Variants in TIAM1 observed in about 807,000 individuals in gnomAD.
TIAM1 encodes rho guanine nucleotide exchange factor TIAM1.
Under a neutral mutation model 163.5 loss-of-function variants are expected in TIAM1, and 65 were observed. The observed-to-expected ratio is 0.40, with a 90% CI of 0.33 to 0.49. TIAM1 has a LOEUF of 0.49. Ranked by LOEUF, TIAM1 falls within the 20% of genes least tolerant of loss-of-function variation. The pLI is 0.77. For synonymous variants in TIAM1, 833 were observed against 810.1 expected, an observed-to-expected ratio of 1.03 and a Z score of -0.48; for missense variants, 1,789 against 2,044.7, an observed-to-expected ratio of 0.87 and a Z score of 2.41.
At chr21:31,164,767 C>T (rs1039272513) in intron 16 of TIAM1, among the ~76,000 whole-genome samples, 195 bp downstream of exon 16, 2 of 152,182 alleles carry the variant, frequency 1.3e-5, no homozygotes, top group Non-Finnish European at 2.9e-5. Flanking sequence ...GATTTCTCCC[C>T]TATATTCTCA....
intron 2 of TIAM1, among the ~76,000 whole-genome samples, chr21:31,363,086 CA>C (rs2076434475): frequency 1.3e-5 from 2 of 152,118 alleles, no homozygotes; most frequent in Admixed American, 1.3e-4. Flanking sequence ...GTGATTGGTC[CA>C]GGGGTGGGTT....
intron 13 of TIAM1, among the ~76,000 whole-genome samples, chr21:31,194,364 C>G (rs933608802): frequency 6.6e-6 from 1 of 152,180 alleles, no homozygotes; most frequent in Admixed American, 6.5e-5. Context: ...GACCCCCCTA[C>G]ACACCACCAA....
intron 2 of TIAM1, among the ~76,000 whole-genome samples, chr21:31,436,975 T>G (rs979233866): frequency 1.3e-5 from 2 of 151,888 alleles, no homozygotes; most frequent in Admixed American, 6.6e-5. Context: ...AAAATAAAAA[T>G]AAAAAACGAT....
intron 2 of TIAM1, among the ~76,000 whole-genome samples, chr21:31,411,873 T>C (rs2077365050): frequency 6.6e-6 from 1 of 152,106 alleles, no homozygotes; most frequent in Non-Finnish European, 1.5e-5. Context: ...TAAGAACGTA[T>C]GTAATGGGCA....
chr21:31,245,686 A>C (rs2071464993), intron 5 of TIAM1, 26 bp from the exon 6 acceptor site: 1 of 1,484,768 alleles, frequency 6.7e-7, no homozygotes, highest in African/African-American at 1.4e-5. Context: ...AGGGGTGTGC[A>C]TGAGTATTCA....
intron 2 of TIAM1, among the ~76,000 whole-genome samples, chr21:31,441,932 T>C (rs7280957): frequency 0.043 from 6,442 of 148,352 alleles, 481 homozygotes; most frequent in African/African-American, 0.15. Context: ...GGCACATGCC[T>C]GGAGTCTCAG....
chr21:31,322,492 G>A (rs1394927029), intron 2 of TIAM1, among the ~76,000 whole-genome samples: 1 of 151,978 alleles, frequency 6.6e-6, no homozygotes, highest in African/African-American at 2.4e-5. Flanking sequence ...GGAAGGAACT[G>A]AAGCCTGGAG....
intron 2 of TIAM1, among the ~76,000 whole-genome samples, chr21:31,329,439 A>G (rs1185450299): frequency 1.3e-5 from 2 of 152,234 alleles, no homozygotes; most frequent in African/African-American, 4.8e-5. Context: ...GGGAAGGGTG[A>G]TAAGACTGAG....
At chr21:31,458,592 C>T (rs2045202228) in intron 2 of TIAM1, among the ~76,000 whole-genome samples, 1 of 152,180 alleles carries the variant, frequency 6.6e-6, no homozygotes, top group African/African-American at 2.4e-5. Flanking sequence ...GCTTAGCAGA[C>T]CTGTCTCTGA....
intron 2 of TIAM1, among the ~76,000 whole-genome samples, chr21:31,358,439 C>T (rs2076350937): frequency 6.6e-6 from 1 of 152,190 alleles, no homozygotes; most frequent in Non-Finnish European, 1.5e-5. Context: ...ACTCCCAATG[C>T]ATGTCTCTAG....
At chr21:31,311,789 G>A (rs2074939904) in intron 2 of TIAM1, among the ~76,000 whole-genome samples, 1 of 152,168 alleles carries the variant, frequency 6.6e-6, no homozygotes. Context: ...ATTGTTCTGG[G>A]TGCGTCTGTG....
chr21:31,465,998 G>A (rs1051395832), intron 1 of TIAM1, among the ~76,000 whole-genome samples: 1 of 152,208 alleles, frequency 6.6e-6, no homozygotes, highest in Non-Finnish European at 1.5e-5. Flanking sequence ...GAGCCACGGC[G>A]CCCGGCCTTC....
At chr21:31,501,493 C>T (rs997608834) in intron 1 of TIAM1, among the ~76,000 whole-genome samples, 3 of 152,102 alleles carry the variant, frequency 2.0e-5, no homozygotes, top group African/African-American at 7.2e-5. Context: ...GACCCAAGCT[C>T]GACGGCTTTC....
At chr21:31,320,506 A>G (rs1301977240) in intron 2 of TIAM1, among the ~76,000 whole-genome samples, 1 of 152,194 alleles carries the variant, frequency 6.6e-6, no homozygotes, top group Non-Finnish European at 1.5e-5. Flanking sequence ...AAAAATCCAC[A>G]ACATTACAAA....
intron 2 of TIAM1, among the ~76,000 whole-genome samples, chr21:31,285,253 C>G (rs1267341295): frequency 6.6e-6 from 1 of 152,180 alleles, no homozygotes; most frequent in Non-Finnish European, 1.5e-5. Context: ...ACTCTGGAAT[C>G]AGGGAAGAGC....
intron 6 of TIAM1, among the ~76,000 whole-genome samples, chr21:31,238,008 C>T (rs1235517074): frequency 6.6e-6 from 1 of 152,226 alleles, no homozygotes; most frequent in Non-Finnish European, 1.5e-5. Context: ...CATTCCTGCT[C>T]ATTCCCACTC....
chr21:31,174,543 G>A (rs763732671), intron 15 of TIAM1, among the ~76,000 whole-genome samples: 1 of 152,166 alleles, frequency 6.6e-6, no homozygotes, highest in East Asian at 1.9e-4. Flanking sequence ...TTAGCCACAC[G>A]CACTTGGCTT....
chr21:31,528,870 TC>T (rs2047874624), intron 1 of TIAM1, among the ~76,000 whole-genome samples: 1 of 150,972 alleles, frequency 6.6e-6, no homozygotes, highest in Admixed American at 6.6e-5. Flanking sequence ...GTTCTATTTA[TC>T]ATATCCTTTC....
intron 1 of TIAM1, among the ~76,000 whole-genome samples, chr21:31,485,968 G>A (rs1044965199): frequency 2.0e-5 from 3 of 152,128 alleles, no homozygotes; most frequent in Admixed American, 6.6e-5. Context: ...TGTTCGCAGT[G>A]CCTGGTTCTC....
Sources: allele counts gnomAD v4.1 joint callset (sites outside exome capture counted in the v4.1 genomes callset), GRCh38; gene constraint gnomAD v4.1.1; transcripts MANE v1.5; gene names NCBI Gene and HGNC (gene_info 2026-07-23, HGNC 2026-07-21).